FGGY: variants seen among roughly 807,000 people sequenced by gnomAD.
The protein encoded by FGGY is FGGY carbohydrate kinase domain-containing protein.
Under a neutral mutation model 71.3 loss-of-function variants are expected in FGGY, and 72 were observed. The ratio of observed to expected loss-of-function variants is 1.01; its 90% CI spans 0.84 to 1.23. FGGY has a LOEUF of 1.23. FGGY is among the 50% of genes most tolerant of loss of function. FGGY has a pLI of 0.00. For synonymous variants in FGGY, 251 were observed against 250.3 expected (o/e 1.00, Z -0.02); for missense variants, 668 against 682.3 (o/e 0.98, Z 0.23).
intron 5 of FGGY, among the ~76,000 whole-genome samples, chr1:59,444,204 T>G (rs963066995): frequency 6.6e-6 from 1 of 152,220 alleles, no homozygotes; most frequent in African/African-American, 2.4e-5. Context: ...ATGGAAACCC[T>G]TGACCCCGGG....
chr1:59,744,514 C>T (rs550442583), intron 14 of FGGY, among the ~76,000 whole-genome samples: 98 of 152,272 alleles, frequency 6.4e-4, no homozygotes, highest in African/African-American at 2.2e-3. Flanking sequence ...AGCCACTGCG[C>T]CCGGCCCACC....
intron 4 of FGGY, among the ~76,000 whole-genome samples, chr1:59,376,349 T>C (rs1163585512): frequency 6.6e-6 from 1 of 152,242 alleles, no homozygotes; most frequent in Non-Finnish European, 1.5e-5. Flanking sequence ...GAGAATCAGC[T>C]TGATACTTTG....
At chr1:59,434,969 A>T (rs1363300116) in intron 5 of FGGY, among the ~76,000 whole-genome samples, 6 of 152,238 alleles carry the variant, frequency 3.9e-5, no homozygotes, top group African/African-American at 1.4e-4. Flanking sequence ...ACAAAAATTT[A>T]CAACTCCTTA....
chr1:59,749,344 G>A (rs1183337107), intron 14 of FGGY, among the ~76,000 whole-genome samples: 1 of 152,206 alleles, frequency 6.6e-6, no homozygotes, highest in Non-Finnish European at 1.5e-5. Flanking sequence ...CCCAGGACTT[G>A]TGATTGGCAT....
chr1:59,463,098 C>T (rs1430037407), intron 6 of FGGY, among the ~76,000 whole-genome samples: 1 of 151,964 alleles, frequency 6.6e-6, no homozygotes, highest in Non-Finnish European at 1.5e-5. Context: ...GAAAATGTGG[C>T]ACATATACAC....
intron 11 of FGGY, among the ~76,000 whole-genome samples, chr1:59,651,751 C>T (rs1413979214): frequency 6.6e-6 from 1 of 150,640 alleles, no homozygotes; most frequent in East Asian, 1.9e-4. Context: ...AGTCCATTTA[C>T]ATTTAAACTT....
intron 13 of FGGY, among the ~76,000 whole-genome samples, chr1:59,672,624 G>A (rs923675942): frequency 6.6e-6 from 1 of 152,206 alleles, no homozygotes; most frequent in South Asian, 2.1e-4. Context: ...TAAATTCTCT[G>A]GGGTGTCTGT....
intron 2 of FGGY, among the ~76,000 whole-genome samples, chr1:59,322,108 G>C (rs1210628848): frequency 6.6e-6 from 1 of 152,052 alleles, no homozygotes; most frequent in African/African-American, 2.4e-5. Flanking sequence ...GTGTTAACTT[G>C]CACTGTGTAG....
chr1:59,450,998 AGCCCAT>A (rs1248487614), intron 5 of FGGY, among the ~76,000 whole-genome samples: 3 of 152,242 alleles, frequency 2.0e-5, no homozygotes, highest in Middle Eastern at 6.8e-3. Flanking sequence ...TGTGGAATTC[AGCCCAT>A]TCACATTTGA....
chr1:59,468,861 G>A (rs984837267), intron 6 of FGGY, among the ~76,000 whole-genome samples: 3 of 135,792 alleles, frequency 2.2e-5, no homozygotes, highest in Non-Finnish European at 1.5e-5. Flanking sequence ...CACTGAGCAA[G>A]ACTCTGTCTT....
rs115179181 is a variant in FGGY at position 59,317,209 on chromosome 1, C to T, written c.-14-4327C>T. The stretch of plus-strand genomic sequence containing the variant: ...GATATTTCTTGCTGCATTTGTTGTT[C>T]TTATTGAAGAAGTAATCAAAGGGTT... On this transcript the variant is annotated intron_variant, in intron 1 of 15. Transcript: ENST00000303721. 3.1e-3 allele frequency among the ~76,000 whole-genome samples: 467 copies of T among 152,274 alleles called. 3 individuals carry two copies. Among genetic ancestry groups the T allele is most frequent in the African/African-American group, 0.011 (441 of 41,536 alleles).
At position 59,640,772 on chromosome 1, in the gene FGGY, A is replaced by G. The variant is rs942313294; in HGVS notation, c.1221+2397A>G. Among the ~76,000 whole-genome samples, 3 of 151,110 alleles carry G rather than the reference A, an allele frequency of 2.0e-5. 1 individual carries two copies. The highest frequency in any genetic ancestry group is 2.1e-4 in the South Asian group (1 of 4,790). ...TACTGACACTGACTATCCATATCGT[A>G]AGTATTTAATACCAATATTAATTTC... is the stretch of plus-strand genomic sequence containing the variant. On this transcript the variant is annotated intron_variant, in intron 11 of 15. Transcript: ENST00000303721.
chr1:59,514,497 A>G (rs566237812), intron 7 of FGGY, among the ~76,000 whole-genome samples: 3 of 152,306 alleles, frequency 2.0e-5, no homozygotes, highest in African/African-American at 7.2e-5. Context: ...TTTTACCCTT[A>G]GAAGCTTTGG....
intron 4 of FGGY, among the ~76,000 whole-genome samples, chr1:59,351,971 A>T (rs2053399621): frequency 6.6e-6 from 1 of 152,214 alleles, no homozygotes; most frequent in African/African-American, 2.4e-5. Flanking sequence ...CTAGTCCTGC[A>T]AATATGGAAT....
Position 59,644,788 on chromosome 1 carries a change from C to T in FGGY, c.1221+6413C>T, listed in dbSNP as rs183514387. Among the ~76,000 whole-genome samples the T allele has an allele frequency of 3.5e-3, 539 of 152,122 alleles. 4 individuals carry two copies. The highest frequency in any genetic ancestry group is 0.012 in the African/African-American group (515 of 41,508). ...GTCAAGAGATTGAGACCATCCTGGC[C>T]AACATGGTGAAACCCCGTCTCTACT... On this transcript the variant is annotated intron_variant, in intron 11 of 15. Transcript: ENST00000303721.
chr1:59,327,753 T>C (rs1017922613), intron 2 of FGGY, among the ~76,000 whole-genome samples: 1 of 152,212 alleles, frequency 6.6e-6, no homozygotes, highest in African/African-American at 2.4e-5. Context: ...AAAGCTGAAA[T>C]TTCTCTTTGA....
chr1:59,599,181 G>A (rs1342154280), intron 8 of FGGY, among the ~76,000 whole-genome samples: 1 of 152,092 alleles, frequency 6.6e-6, no homozygotes, highest in Non-Finnish European at 1.5e-5. Context: ...TTGGCTTACT[G>A]TAACCTCCAC....
intron 5 of FGGY, among the ~76,000 whole-genome samples, chr1:59,387,165 A>G (rs1295081298): frequency 6.6e-6 from 1 of 152,076 alleles, no homozygotes; most frequent in African/African-American, 2.4e-5. Context: ...ATCTGTAGTC[A>G]TTTTCTAAAT....
At chr1:59,581,076 C>G (rs1312735249) in intron 8 of FGGY, among the ~76,000 whole-genome samples, 1 of 136,836 alleles carries the variant, frequency 7.3e-6, no homozygotes, top group Admixed American at 6.9e-5. Flanking sequence ...TTCTTTCTTC[C>G]CTGAAATGCT....
Sources: gnomAD v4.1 joint callset for allele counts (sites outside exome capture counted in the v4.1 genomes callset) on GRCh38, gnomAD v4.1.1 for gene constraint, MANE v1.5 for transcripts, NCBI Gene and HGNC (gene_info 2026-07-23, HGNC 2026-07-21) for gene names.